The following ACACB variants were observed in gnomAD, a reference collection of about 807,000 sequenced individuals.
The protein encoded by ACACB is acetyl-CoA carboxylase 2.
A neutral mutation model predicts 278.8 loss-of-function variants in ACACB; 209 were observed. The ratio of observed to expected loss-of-function variants is 0.75; its 90% CI spans 0.67 to 0.84. The LOEUF is 0.84. Ranked by LOEUF, ACACB falls within the 40% of genes least tolerant of loss-of-function variation. ACACB has a pLI of 0.00. For missense variants in ACACB, 2,850 were observed against 3,269.0 expected (o/e 0.87, Z 3.13); for synonymous variants, 1,174 against 1,285.6 (o/e 0.91, Z 1.86).
At chr12:109,207,887 C>G (rs1227824350) in intron 20 of ACACB, among the ~76,000 whole-genome samples, 1 of 152,158 alleles carries the variant, frequency 6.6e-6, no homozygotes, top group Admixed American at 6.5e-5. Context: ...ACCGTGTTGG[C>G]CAGGCTGGTC....
At position 109,131,485 on chromosome 12, in the gene ACACB, A is replaced by G. The variant is rs146667978; in HGVS notation, c.-9-7912A>G. 4 of 152,768 alleles carry G rather than the reference A, an allele frequency of 2.6e-5. No individual in the cohort carries two copies. The East Asian group carries it at 7.7e-4, about 29-fold the overall frequency. The allele number at this position is 152,768 out of a possible 1,614,324, so 9.5% of individuals were successfully genotyped here. A position where few individuals can be genotyped will look rare whatever the true frequency, so the allele number is the denominator to read the frequency against. On this transcript the variant is annotated intron_variant, in intron 1 of 52. Transcript: ENST00000338432. ...GGTGGGAGGAAAAATCCAAGCATGG[A>G]TGGGGATTGCTGGATGCTGACATTC... is the stretch of plus-strand genomic sequence containing the variant.
At position 109,179,897 on chromosome 12, in the gene ACACB, CTCTT is replaced by C; in HGVS notation, c.1648-16_1648-13del. ...AAAAGACCTCTGGAACCCCCTTGGC[CTCTT>C]TCTGTTTCTTCACAGTGTGCCATCC... On this transcript the variant is annotated splice_polypyrimidine_tract_variant and intron_variant, in intron 10 of 52. Transcript: ENST00000338432. 1 of 1,593,590 alleles carries C rather than the reference CTCTT, an allele frequency of 6.3e-7. No individual in the cohort carries two copies. Among genetic ancestry groups the C allele is most frequent in the East Asian group, 2.3e-5 (1 of 44,246 alleles).
intron 40 of ACACB, chr12:109,249,767 C>A: frequency 2.4e-6 from 1 of 424,944 alleles, no homozygotes. Flanking sequence ...GCTGGGATTA[C>A]AGAGCAGGGT....
intron 2 of ACACB, among the ~76,000 whole-genome samples, chr12:109,164,541 A>C (rs575016148): frequency 6.8e-5 from 10 of 147,576 alleles, no homozygotes; most frequent in Admixed American, 6.1e-4. Context: ...CCTTCCTAGC[A>C]TTTCACACAC....
chr12:109,264,156 A>T (rs1411562465), intron 49 of ACACB, 76 bp from the exon 50 acceptor site: 3 of 631,034 alleles, frequency 4.8e-6, no homozygotes, highest in Non-Finnish European at 6.3e-6. Flanking sequence ...GCCTTCTTCA[A>T]AAAAAAAAAA....
At position 109,201,660 on chromosome 12, in the gene ACACB, G is replaced by A. The variant is rs139511102; in HGVS notation, c.2872G>A (p.Val958Met). Reference sequence around the variant, plus strand: ...TGCCGTGCTGGAAGCAGGCTGCGTGGTGGCCAGGCTGGAGCTCGATGACCC... The same window carrying A: ...TGCCGTGCTGGAAGCAGGCTGCGTGATGGCCAGGCTGGAGCTCGATGACCC... ...PGAVLEAGCV[V>M]ARLELDDPSK... is the part of the protein sequence containing the mutation. Residue 958 changes from valine to methionine, a missense_variant, in exon 19 of 53, where the codon GTG (valine) becomes ATG (methionine). Around this residue, in one of 3 missense-constraint regions of ACACB, gnomAD observed 2,265 missense variants for 2,561.3 expected, o/e 0.88. Transcript: ENST00000338432. The A allele has an allele frequency of 1.8e-3, 2,898 of 1,614,082 alleles. 5 individuals carry two copies. The highest frequency in any genetic ancestry group is 2.2e-3 in the Non-Finnish European group (2,555 of 1,180,040).
chr12:109,168,803 C>T (rs2044005796), intron 4 of ACACB, among the ~76,000 whole-genome samples: 1 of 151,958 alleles, frequency 6.6e-6, no homozygotes, highest in Non-Finnish European at 1.5e-5. Context: ...GCCTGGGAAA[C>T]AGACTGAGAC....
chr12:109,263,524 C>G (rs999338938), intron 49 of ACACB: 2 of 152,220 alleles, frequency 1.3e-5, no homozygotes, highest in African/African-American at 4.8e-5. Flanking sequence ...GTCTTTATAA[C>G]TGTGCTATTC....
intron 2 of ACACB, among the ~76,000 whole-genome samples, chr12:109,141,319 G>A (rs1477330359): frequency 1.3e-5 from 2 of 152,194 alleles, no homozygotes; most frequent in Non-Finnish European, 2.9e-5. Flanking sequence ...TGTTGGAAAT[G>A]AATGCCTGTA....
Position 109,258,958 on chromosome 12 carries a change from A to C in ACACB, c.6361-15A>C, listed in dbSNP as rs1373748452. 4 of 1,613,740 alleles carry C rather than the reference A, an allele frequency of 2.5e-6. No individual in the cohort carries two copies. Among genetic ancestry groups the C allele is most frequent in the Non-Finnish European group, 3.4e-6 (4 of 1,179,884 alleles). On this transcript the variant is annotated splice_polypyrimidine_tract_variant and intron_variant, in intron 46 of 52. Transcript: ENST00000338432. ...TTGTGCAGAGACATCTGATCCCCGC[A>C]GCTCTGTGTTCCAGATAATTCAGCA...
chr12:109,147,353 A>T (rs780175716), intron 2 of ACACB, among the ~76,000 whole-genome samples: 7 of 150,776 alleles, frequency 4.6e-5, no homozygotes, highest in Non-Finnish European at 1.0e-4. Flanking sequence ...GCCTCCTGAG[A>T]AGCTGGGACT....
chr12:109,191,684 ACCT>A lies in ACACB; in HGVS notation c.2220_2222del (p.Leu741del), dbSNP rs1400449077. ...AGGACTACCGTGGAATACCTCATTAACCTCCTGGAGACCGAGAGCTTCCAGAAC... is the reference window on the plus strand; with the variant it reads ...AGGACTACCGTGGAATACCTCATTAACCTGGAGACCGAGAGCTTCCAGAAC... On this transcript the variant is annotated inframe_deletion, in exon 14 of 53. Transcript: ENST00000338432. 1 of 1,613,664 alleles carries A rather than the reference ACCT, an allele frequency of 6.2e-7. No homozygotes were observed. The highest frequency in any genetic ancestry group is 8.5e-7 in the Non-Finnish European group (1 of 1,179,860).
intron 2 of ACACB, among the ~76,000 whole-genome samples, chr12:109,165,717 A>G (rs1331647126): frequency 2.6e-5 from 4 of 152,350 alleles, no homozygotes; most frequent in African/African-American, 9.6e-5. Flanking sequence ...CCAGTTTGCT[A>G]AATTACAGTA....
At chr12:109,154,463 C>T (rs1449391354) in intron 2 of ACACB, among the ~76,000 whole-genome samples, 2 of 152,218 alleles carry the variant, frequency 1.3e-5, no homozygotes, top group Non-Finnish European at 1.5e-5. Flanking sequence ...TAGGGGTGTC[C>T]CATATTGGGG....
At chr12:109,148,274 G>A (rs902734668) in intron 2 of ACACB, among the ~76,000 whole-genome samples, 11 of 152,194 alleles carry the variant, frequency 7.2e-5, no homozygotes, top group Non-Finnish European at 1.2e-4. Flanking sequence ...AATGAGCACG[G>A]TTACAAGAAC....
In ACACB at chr12:109,227,225, C is replaced by T. The variant is rs1241477286; in HGVS notation, c.3883-146C>T. 6 of 692,312 alleles carry T rather than the reference C, an allele frequency of 8.7e-6. No homozygotes were observed. In the African/African-American group the frequency reaches 1.1e-4, roughly 12 times the overall value. The allele number at this position is 692,312 out of a possible 1,614,324, so 42.9% of individuals were successfully genotyped here. On this transcript the variant is annotated intron_variant, in intron 27 of 52. Transcript: ENST00000338432. The stretch of plus-strand genomic sequence containing the variant: ...CCTGGCCTTCCAAAATGCTGGATTG[C>T]AGGCCTGAGCCACTGCACCCGGCCT...
At position 109,185,703 on chromosome 12, in the gene ACACB, T is replaced by G; in HGVS notation, c.1943T>G (p.Val648Gly). 6.2e-7 allele frequency: 1 copy of G among 1,608,342 alleles called. No homozygotes were observed. Among genetic ancestry groups the G allele is most frequent in the Non-Finnish European group, 8.5e-7 (1 of 1,176,914 alleles). The stretch of plus-strand genomic sequence containing the variant: ...AACCCTCCCCTCGCCCGAGGCCACG[T>G]CATTGCCGCCAGAATCACCAGCGAA... ...PSNPPLARGH[V>G]IAARITSENP... Residue 648 changes from valine to glycine, a missense_variant, in exon 12 of 53, where the codon GTC becomes GGC. Transcript: ENST00000338432.
At chr12:109,164,913 G>T (rs1409200259) in intron 2 of ACACB, among the ~76,000 whole-genome samples, 1 of 151,660 alleles carries the variant, frequency 6.6e-6, no homozygotes, top group East Asian at 1.9e-4. Flanking sequence ...AGCTACTTGA[G>T]GATGTCTTCC....
intron 1 of ACACB, among the ~76,000 whole-genome samples, chr12:109,119,230 C>T (rs1180114752): frequency 6.6e-6 from 1 of 152,152 alleles, no homozygotes; most frequent in Non-Finnish European, 1.5e-5. Context: ...AGAAGTCCTG[C>T]TCTCTGGGCT....
Sources: gnomAD v4.1 joint callset for allele counts (sites outside exome capture counted in the v4.1 genomes callset) on GRCh38, gnomAD v4.1.1 for gene constraint, gnomAD v4.1.1 regional missense constraint, MANE v1.5 for transcripts, NCBI Gene and HGNC (gene_info 2026-07-23, HGNC 2026-07-21) for gene names.